WNK1: variants seen among roughly 807,000 people sequenced by gnomAD.
WNK1 encodes serine/threonine-protein kinase WNK1.
WNK1 carries 38 observed loss-of-function variants against 222.8 expected under a neutral mutation model. That is an observed-to-expected ratio of 0.17 (90% CI 0.13 to 0.22). The LOEUF (loss-of-function observed/expected upper bound fraction) is 0.22. Among genes scored for constraint, WNK1 ranks in the 10% least tolerant of loss-of-function variants. The pLI is 1.00. For missense variants in WNK1, 2,348 were observed against 2,918.4 expected (o/e 0.80, Z 4.50); for synonymous variants, 1,090 against 1,092.9 (o/e 1.00, Z 0.05).
Position 851,807 on chromosome 12 carries a change from T to C in WNK1, c.1312-5354T>C, listed in dbSNP as rs1950441138. 5 of 1,319,294 alleles carry C rather than the reference T, an allele frequency of 3.8e-6. 1 individual carries two copies. In the South Asian group the frequency reaches 6.0e-5, roughly 16 times the overall value. The allele number at this position is 1,319,294 out of a possible 1,614,324, so 81.7% of individuals were successfully genotyped here. ...GGTAGGTAAGAATTTCCAGTATATGTAACAGTTTATATTGTAGCCTTTTTG... is the reference window on the plus strand; with the variant it reads ...GGTAGGTAAGAATTTCCAGTATATGCAACAGTTTATATTGTAGCCTTTTTG... On this transcript the variant is annotated intron_variant, in intron 4 of 27. Coordinates refer to ENST00000315939, the MANE Select transcript of WNK1 (RefSeq NM_018979.4).
At chr12:840,220 T>C (rs1949517939) in intron 4 of WNK1, among the ~76,000 whole-genome samples, 1 of 151,918 alleles carries the variant, frequency 6.6e-6, no homozygotes, top group Non-Finnish European at 1.5e-5. Flanking sequence ...CTTGAACTTC[T>C]GGGCTCAAGT....
intron 26 of WNK1, chr12:904,536 C>T (rs1382877737): frequency 7.9e-7 from 1 of 1,272,000 alleles, no homozygotes; most frequent in South Asian, 1.2e-5. Context: ...GATTGCAAAG[C>T]CTGTTAACCA....
rs117556727 is a variant in WNK1, at chr12:774,633, A to G, written c.759+20309A>G. The stretch of plus-strand genomic sequence containing the variant: ...CTGGTTCTAAGGGCATGATAAGGGC[A>G]TGAACATTTAAATACTTTCTATTCA... On this transcript the variant is annotated intron_variant, in intron 1 of 27. Coordinates refer to ENST00000315939, the MANE Select transcript of WNK1 (RefSeq NM_018979.4). Among the ~76,000 whole-genome samples, 46 of 152,332 alleles carry G rather than the reference A, an allele frequency of 3.0e-4. No individual in the cohort carries two copies. The East Asian group carries it at 7.9e-3, about 26-fold the overall frequency.
rs773028997 is a variant in WNK1 at position 784,545 on chromosome 12, C to T, written c.760-29097C>T. On this transcript the variant is annotated intron_variant, in intron 1 of 27. Transcript: ENST00000315939. ...AATAGCATTATTGAAGTATAGTTGA[C>T]ATAATAAAATGTACATATTTAAAAG... Among the ~76,000 whole-genome samples, 77 of 152,148 alleles carry T rather than the reference C, an allele frequency of 5.1e-4. 1 individual carries two copies. Among genetic ancestry groups the T allele is most frequent in the Middle Eastern group, 6.8e-3 (2 of 294 alleles).
At position 884,998 on chromosome 12, in the gene WNK1, C is replaced by G; in HGVS notation, c.4194C>G (p.Leu1398=). The G allele has an allele frequency of 3.1e-6, 5 of 1,614,118 alleles. No homozygotes were observed. Among genetic ancestry groups the G allele is most frequent in the South Asian group, 1.1e-5 (1 of 91,084 alleles). ...CAGGTGTGGTAACTTCAGGTGGTCT[C>G]CCCATACCACCTGTGTCTGAATCAC... ...TSTGVVTSGG[L]PIPPVSESPV... is the part of the protein sequence containing the mutation. The change falls in exon 19 of 28, where the codon CTC becomes CTG. Residue 1398 remains leucine, a synonymous_variant. Transcript: ENST00000315939. This position sits in a 1 kb window ranked among gnomAD's most constrained non-coding sequence, Gnocchi z 5.6.
intron 2 of WNK1, among the ~76,000 whole-genome samples, chr12:823,055 T>G (rs74610807): frequency 0.015 from 2,314 of 152,060 alleles, 59 homozygotes; most frequent in African/African-American, 0.052. Context: ...AGTCTTCAGG[T>G]TTTTTTTGGG....
chr12:773,708 T>A lies in WNK1; in HGVS notation c.759+19384T>A, dbSNP rs561229376. 9.5e-4 allele frequency among the ~76,000 whole-genome samples: 145 copies of A among 152,264 alleles called. 2 individuals are homozygous for A. The highest frequency in any genetic ancestry group is 7.7e-3 in the South Asian group (37 of 4,818). On this transcript the variant is annotated intron_variant, in intron 1 of 27. Coordinates refer to ENST00000315939, the MANE Select transcript of WNK1 (RefSeq NM_018979.4). ...CTCAGGTAGCAAATAGAGAAAAAAA[T>A]TCTGCCCTTGTGAAACTTATGTTTC...
At chr12:798,134 C>G (rs915177235) in intron 1 of WNK1, among the ~76,000 whole-genome samples, 1 of 151,688 alleles carries the variant, frequency 6.6e-6, no homozygotes, top group Non-Finnish European at 1.5e-5. Context: ...CTTCCTTGTT[C>G]TGCTTCCTGG....
At chr12:859,632 G>T (rs200940097) in intron 6 of WNK1, among the ~76,000 whole-genome samples, 168 bp downstream of exon 6, 10 of 122,656 alleles carry the variant, frequency 8.2e-5, no homozygotes, top group East Asian at 2.1e-4. Flanking sequence ...GTGTGTGTGT[G>T]TTTTTTTTTT....
chr12:895,969 G>T, intron 23 of WNK1, 102 bp from the exon 24 acceptor site: 1 of 1,499,390 alleles, frequency 6.7e-7, no homozygotes, highest in South Asian at 1.2e-5. Flanking sequence ...CCTACTCTTT[G>T]ACAGGGAAAT....
intron 1 of WNK1, among the ~76,000 whole-genome samples, chr12:764,857 C>T (rs192511569): frequency 6.8e-6 from 1 of 147,526 alleles, no homozygotes. Context: ...ACCAGCCTCA[C>T]GTGGCTATTT....
chr12:799,637 T>C (rs1269941247), intron 1 of WNK1, among the ~76,000 whole-genome samples: 1 of 152,142 alleles, frequency 6.6e-6, no homozygotes, highest in African/African-American at 2.4e-5. Context: ...AGACCAAGAA[T>C]TCAGGGCCAA....
chr12:833,913 C>A (rs1231388598), intron 4 of WNK1, among the ~76,000 whole-genome samples: 1 of 152,122 alleles, frequency 6.6e-6, no homozygotes, highest in African/African-American at 2.4e-5. Flanking sequence ...TCCCTGTCTT[C>A]AGAAAACTAC....
intron 1 of WNK1, among the ~76,000 whole-genome samples, chr12:768,622 A>G (rs897308214): frequency 6.6e-6 from 1 of 152,122 alleles, no homozygotes; most frequent in Admixed American, 6.6e-5. Context: ...ATTACCCATA[A>G]ATACCACTAT....
chr12:762,099 G>T (rs1941101637), intron 1 of WNK1, among the ~76,000 whole-genome samples: 2 of 136,678 alleles, frequency 1.5e-5, no homozygotes, highest in Admixed American at 7.4e-5. Context: ...TTGCTCTGTT[G>T]CCCAGGCTGG....
chr12:908,328 C>T lies in WNK1; in HGVS notation c.6832-147C>T. On this transcript the variant is annotated intron_variant, in intron 27 of 27. Transcript: ENST00000315939. ...CCCTCTCATGAGGATTATTTTCACC[C>T]TTACTTGGTAAATATAAAGAGCCAA... The T allele has an allele frequency of 1.2e-5, 11 of 897,844 alleles. No homozygotes were observed. The South Asian group carries it at 1.6e-4, about 13-fold the overall frequency. 55.6% of individuals were successfully genotyped at this position (897,844 alleles called of 1,614,324 possible).
intron 1 of WNK1, among the ~76,000 whole-genome samples, chr12:795,778 A>T (rs1945262391): frequency 6.6e-6 from 1 of 152,090 alleles, no homozygotes; most frequent in Admixed American, 6.6e-5. Context: ...TATAATATTG[A>T]TACTGTTGCT....
rs779292951 is a variant in WNK1, at chr12:884,817, C to A, written c.4013C>A (p.Pro1338His). The part of the protein sequence containing the change: ...HTGPTFPVVP[P>H]FLSSIAGVPT... ...GGACCAACATTTCCAGTAGTACCTC[C>A]TTTCTTAAGTAGCATTGCTGGAGTC... The change falls in exon 19 of 28, where the codon CCT (proline) becomes CAT (histidine). Residue 1338 changes from proline (P) to histidine (H), a missense_variant. Around this residue, in one of 13 missense-constraint regions of WNK1, gnomAD observed 1,144 missense variants for 1,273.6 expected, o/e 0.90. Transcript: ENST00000315939. The surrounding 1 kb of genome is among the most constrained non-coding windows in gnomAD (Gnocchi z 5.6). 10 of 1,614,180 alleles carry A rather than the reference C, an allele frequency of 6.2e-6. No homozygotes were observed. Among genetic ancestry groups the A allele is most frequent in the Non-Finnish European group, 8.5e-6 (10 of 1,180,018 alleles).
At chr12:822,296 G>A (rs1947964606) in intron 2 of WNK1, among the ~76,000 whole-genome samples, 1 of 151,938 alleles carries the variant, frequency 6.6e-6, no homozygotes, top group South Asian at 2.1e-4. Context: ...GTTTCACCAC[G>A]TTGGTCAGGC....
Sources: gnomAD v4.1 joint callset for allele counts (sites outside exome capture counted in the v4.1 genomes callset) on GRCh38, gnomAD v4.1.1 for gene constraint, gnomAD v4.1.1 regional missense constraint, Gnocchi (gnomAD v3.1) non-coding constraint, MANE v1.5 for transcripts, NCBI Gene and HGNC (gene_info 2026-07-23, HGNC 2026-07-21) for gene names.